ELP3: variants seen among roughly 807,000 people sequenced by gnomAD.
ELP3 encodes elongator complex protein 3.
In ELP3, 56 loss-of-function variants were observed where a neutral mutation model predicts 74.9. The ratio of observed to expected loss-of-function variants is 0.75; its 90% CI spans 0.60 to 0.93. ELP3 has a LOEUF of 0.93. Among genes scored for constraint, ELP3 ranks in the 40% least tolerant of loss-of-function variants. The probability of loss-of-function intolerance (pLI) is 0.00; values close to 1 mark genes in which losing one functional copy is unlikely to be tolerated. For missense variants in ELP3, 573 were observed against 686.5 expected, an observed-to-expected ratio of 0.83 and a Z score of 1.85; for synonymous variants, 222 against 239.8, an observed-to-expected ratio of 0.93 and a Z score of 0.68.
At chr8:28,125,456 G>T (rs992767459) in intron 7 of ELP3, among the ~76,000 whole-genome samples, 3 of 152,212 alleles carry the variant, frequency 2.0e-5, no homozygotes, top group African/African-American at 7.2e-5. Context: ...GGTTTTGAAA[G>T]AGGAGCTGCC....
intron 14 of ELP3, among the ~76,000 whole-genome samples, chr8:28,182,967 G>T (rs1264241307): frequency 1.3e-5 from 2 of 152,188 alleles, no homozygotes; most frequent in African/African-American, 2.4e-5. Context: ...CCTTGGAGCA[G>T]TAGCCAGAGG....
chr8:28,177,418 G>A (rs1814803447), intron 14 of ELP3, among the ~76,000 whole-genome samples: 1 of 152,224 alleles, frequency 6.6e-6, no homozygotes. Flanking sequence ...AATAGCAAGT[G>A]AATGAAACTA....
chr8:28,094,500 C>T (rs1486891309), intron 1 of ELP3, among the ~76,000 whole-genome samples: 1 of 152,172 alleles, frequency 6.6e-6, no homozygotes, highest in Non-Finnish European at 1.5e-5. Context: ...GGGTGGATCA[C>T]TTGAGGTCAG....
chr8:28,103,082 A>C (rs759854039), intron 3 of ELP3, among the ~76,000 whole-genome samples: 1 of 152,194 alleles, frequency 6.6e-6, no homozygotes, highest in Non-Finnish European at 1.5e-5. Context: ...AGGCAGGAGA[A>C]TAGTTTGAAC....
chr8:28,142,288 G>T (rs1168895153), intron 10 of ELP3, among the ~76,000 whole-genome samples: 1 of 152,180 alleles, frequency 6.6e-6, no homozygotes, highest in African/African-American at 2.4e-5. Context: ...AGGAAACCTG[G>T]CTGTTCTCAG....
At chr8:28,139,036 G>T (rs1308339775) in intron 10 of ELP3, among the ~76,000 whole-genome samples, 1 of 152,056 alleles carries the variant, frequency 6.6e-6, no homozygotes, top group Non-Finnish European at 1.5e-5. Flanking sequence ...CAGGAGGCAG[G>T]GAGCCACAGG....
At chr8:28,099,665 T>C (rs1309628274) in intron 2 of ELP3, among the ~76,000 whole-genome samples, 163 bp from the exon 3 acceptor site, 2 of 152,278 alleles carry the variant, frequency 1.3e-5, no homozygotes, top group Non-Finnish European at 2.9e-5. Context: ...GTGAATTTTA[T>C]TCTTCTATTT....
intron 3 of ELP3, among the ~76,000 whole-genome samples, chr8:28,105,511 C>T (rs1323056908): frequency 6.6e-6 from 1 of 152,222 alleles, no homozygotes; most frequent in East Asian, 1.9e-4. Context: ...TATTTAGATA[C>T]TAAGACCTGG....
chr8:28,100,069 C>T, intron 3 of ELP3, 103 bp downstream of exon 3: 1 of 1,463,292 alleles, frequency 6.8e-7, no homozygotes, highest in South Asian at 1.2e-5. Context: ...GTTGGGGATT[C>T]TGAACTAATG....
At chr8:28,093,433 C>T (rs929979182) in intron 1 of ELP3, 200 bp downstream of exon 1, 1 of 641,336 alleles carries the variant, frequency 1.6e-6, no homozygotes, top group Admixed American at 3.0e-5. Context: ...CCTACCCTTC[C>T]TCTCTTCCTC....
chr8:28,106,336 C>A (rs1259120434), intron 3 of ELP3, among the ~76,000 whole-genome samples: 1 of 151,662 alleles, frequency 6.6e-6, no homozygotes, highest in East Asian at 1.9e-4. Context: ...GTCAGGAGAT[C>A]GAGACCATCC....
At chr8:28,118,643 G>T (rs1170085596) in intron 7 of ELP3, among the ~76,000 whole-genome samples, 2 of 152,168 alleles carry the variant, frequency 1.3e-5, no homozygotes, top group Non-Finnish European at 2.9e-5. Context: ...AGTGGGATCT[G>T]AGTCACCCAT....
intron 14 of ELP3, among the ~76,000 whole-genome samples, chr8:28,169,801 A>T (rs1253601619): frequency 6.6e-6 from 1 of 152,146 alleles, no homozygotes; most frequent in East Asian, 1.9e-4. Flanking sequence ...TCAAGAGTCC[A>T]TTGGAGCTGA....
chr8:28,189,563 G>A (rs1815374134), intron 14 of ELP3, 86 bp from the exon 15 acceptor site: 1 of 1,285,452 alleles, frequency 7.8e-7, no homozygotes, highest in Non-Finnish European at 1.1e-6. Flanking sequence ...CTGGGTGGGA[G>A]AGAGTGTAAG....
At chr8:28,125,469 G>A (rs41332148) in intron 7 of ELP3, among the ~76,000 whole-genome samples, 4,225 of 152,242 alleles carry the variant, frequency 0.028, 216 homozygotes, top group African/African-American at 0.097. Flanking sequence ...GAGCTGCCAC[G>A]AATTATTTGT....
chr8:28,116,291 G>A (rs975404632), intron 7 of ELP3, among the ~76,000 whole-genome samples: 9 of 152,232 alleles, frequency 5.9e-5, no homozygotes, highest in African/African-American at 2.2e-4. Context: ...GAGAGTTTGT[G>A]TGGACAGCAG....
intron 2 of ELP3, 90 bp from the exon 3 acceptor site, chr8:28,099,738 G>T: frequency 7.1e-7 from 1 of 1,402,670 alleles, no homozygotes; most frequent in Non-Finnish European, 1.0e-6. Flanking sequence ...GAGAGTGACA[G>T]TTGTTAATGA....
In ELP3 at chr8:28,160,578, G is replaced by A; in HGVS notation, c.1485+122G>A. ...GCAGGAGAGGGGAAAGAGAAGCATA[G>A]AAACAGAGGAGCCAGTGTTTTAGTT... is the stretch of plus-strand genomic sequence containing the variant. On this transcript the variant is annotated intron_variant, in intron 13 of 14. Transcript: ENST00000256398. 3.8e-6 allele frequency: 3 copies of A among 798,554 alleles called. No homozygotes were observed. In the South Asian group the frequency reaches 5.6e-5, roughly 15 times the overall value. The allele number at this position is 798,554 out of a possible 1,614,324, so 49.5% of individuals were successfully genotyped here. A position where few individuals can be genotyped will look rare whatever the true frequency, so the allele number is the denominator to read the frequency against.
rs770890856 is a variant in ELP3, at chr8:28,108,017, A to G, written c.393+41A>G. The G allele has an allele frequency of 2.6e-6, 4 of 1,534,394 alleles. No individual in the cohort carries two copies. In the South Asian group the frequency reaches 4.5e-5, roughly 17 times the overall value. On this transcript the variant is annotated intron_variant, in intron 5 of 14. Transcript: ENST00000256398. ...GGCTGTCCTGATGAAATGTTGCATC[A>G]TGCTTTACCTGTAGTATGGTTTTAC...
Sources: allele counts gnomAD v4.1 joint callset (sites outside exome capture counted in the v4.1 genomes callset), GRCh38; gene constraint gnomAD v4.1.1; transcripts MANE v1.5; gene names NCBI Gene and HGNC (gene_info 2026-07-23, HGNC 2026-07-21).